RELN: variants seen among roughly 807,000 people sequenced by gnomAD.
The protein encoded by RELN is reelin.
RELN carries 108 observed loss-of-function variants against 427.6 expected under a neutral mutation model. The ratio of observed to expected loss-of-function variants is 0.25; its 90% CI spans 0.22 to 0.30. RELN has a LOEUF of 0.30. Ranked by LOEUF, RELN falls within the 10% of genes least tolerant of loss-of-function variation. The probability of loss-of-function intolerance (pLI) is 1.00; values close to 1 mark genes in which losing one functional copy is unlikely to be tolerated. For synonymous variants in RELN, 1,524 were observed against 1,513.4 expected (o/e 1.01, Z -0.16); for missense variants, 3,715 against 4,302.8 (o/e 0.86, Z 3.82).
At chr7:103,516,216 A>G (rs539789477) in intron 49 of RELN, among the ~76,000 whole-genome samples, 1 of 152,082 alleles carries the variant, frequency 6.6e-6, no homozygotes, top group Non-Finnish European at 1.5e-5. Context: ...TCTTGAATTT[A>G]TATTCATAAC....
chr7:103,890,986 G>A (rs1186206856), intron 2 of RELN, among the ~76,000 whole-genome samples: 1 of 152,128 alleles, frequency 6.6e-6, no homozygotes, highest in African/African-American at 2.4e-5. Flanking sequence ...GGAGGTTGAG[G>A]GAGGAGAATC....
intron 2 of RELN, among the ~76,000 whole-genome samples, chr7:103,906,320 C>T (rs927786302): frequency 1.3e-5 from 2 of 152,010 alleles, no homozygotes; most frequent in Non-Finnish European, 1.5e-5. Flanking sequence ...GCTCTTTTTG[C>T]CTTGGGTTCT....
In RELN at chr7:103,654,173, T is replaced by G. The variant is rs761679419; in HGVS notation, c.1474A>C (p.Asn492His). Reference sequence around the variant, plus strand: ...ATTTTTGCATACAGGATTATGTCATTTTCATGAGAATTTCCAGGGTCACAA... The same window carrying G: ...ATTTTTGCATACAGGATTATGTCATGTTCATGAGAATTTCCAGGGTCACAA... The part of the protein sequence containing the change: ...GICDPGNSHE[N>H]DIILYAKIEG... The change falls in exon 13 of 65, where the codon AAT (asparagine) becomes CAT (histidine). Residue 492 changes from asparagine (N) to histidine (H), a missense_variant. By Grantham distance (68) the Asn-to-His change is moderately conservative (BLOSUM62 1). This residue lies in a region of RELN where 2,208 missense variants were observed against 2,361.7 expected (regional missense o/e 0.93). Coordinates refer to ENST00000428762, the MANE Select transcript of RELN (RefSeq NM_005045.4). 6.2e-7 allele frequency: 1 copy of G among 1,611,600 alleles called. No individual in the cohort carries two copies. Among genetic ancestry groups the G allele is most frequent in the Non-Finnish European group, 8.5e-7 (1 of 1,178,228 alleles).
intron 6 of RELN, among the ~76,000 whole-genome samples, chr7:103,739,331 C>T (rs143298795): frequency 5.9e-5 from 9 of 152,306 alleles, no homozygotes; most frequent in African/African-American, 2.2e-4. Context: ...TATTTGTGGT[C>T]CCTTACATTC....
chr7:103,747,627 C>T (rs1584460458), intron 6 of RELN, among the ~76,000 whole-genome samples: 1 of 147,030 alleles, frequency 6.8e-6, no homozygotes, highest in South Asian at 2.1e-4. Flanking sequence ...ACAGTTTCAC[C>T]GTTCCCTACT....
At chr7:103,480,547 A>G (rs1044168040) in intron 63 of RELN, among the ~76,000 whole-genome samples, 1 of 152,226 alleles carries the variant, frequency 6.6e-6, no homozygotes, top group African/African-American at 2.4e-5. Flanking sequence ...CAAAACATCA[A>G]AAACATAGTT....
Position 103,697,931 on chromosome 7 carries a change from G to A in RELN, c.1065C>T (p.His355=). The part of the protein sequence containing the change: ...LDNILIINSA[H]RQVVLEDSLD... ...GACTATCTTCTAAAACGACTTGTCT[G>A]TGAGCTGAATTGATGATCAAGATGT... The change falls in exon 10 of 65, where the codon CAC becomes CAT. Residue 355 remains histidine, a synonymous_variant. Coordinates refer to ENST00000428762, the MANE Select transcript of RELN (RefSeq NM_005045.4). The A allele has an allele frequency of 6.2e-7, 1 of 1,613,794 alleles. No homozygotes were observed. Among genetic ancestry groups the A allele is most frequent in the Non-Finnish European group, 8.5e-7 (1 of 1,179,822 alleles).
At chr7:103,631,833 T>G (rs546688629) in intron 19 of RELN, among the ~76,000 whole-genome samples, 1 of 152,156 alleles carries the variant, frequency 6.6e-6, no homozygotes, top group East Asian at 1.9e-4. Flanking sequence ...TTTAAACTGG[T>G]TTAACAATGA....
At chr7:103,873,561 G>A in intron 2 of RELN, among the ~76,000 whole-genome samples, 1 of 45,698 alleles carries the variant, frequency 2.2e-5, no homozygotes, top group East Asian at 7.8e-4. Context: ...ACTACCATCA[G>A]AGAATACTAC....
chr7:103,486,972 C>T (rs1249332052), intron 60 of RELN, among the ~76,000 whole-genome samples: 1 of 152,180 alleles, frequency 6.6e-6, no homozygotes, highest in Non-Finnish European at 1.5e-5. Flanking sequence ...TTTATTGCAG[C>T]ACTATTCACA....
Position 103,682,189 on chromosome 7 carries a change from T to A in RELN, c.1216A>T (p.Thr406Ser). The A allele has an allele frequency of 6.2e-7, 1 of 1,614,038 alleles. No individual in the cohort carries two copies. Among genetic ancestry groups the A allele is most frequent in the Non-Finnish European group, 8.5e-7 (1 of 1,179,932 alleles). Residue 406 changes from threonine to serine, a missense_variant, in exon 11 of 65, where the codon ACC becomes TCC. Thr to Ser is a moderately conservative substitution (Grantham distance 58, BLOSUM62 1). This residue lies in a region of RELN where 2,208 missense variants were observed against 2,361.7 expected (regional missense o/e 0.93). Coordinates refer to ENST00000428762, the MANE Select transcript of RELN (RefSeq NM_005045.4). ...TCTGTGGAAAGATCTACATCCCTGG[T>A]GGTGGCAAAATTGAACTCGCTGCCT... is the stretch of plus-strand genomic sequence containing the variant. ...NEGSEFNFAT[T>S]RDVDLSTEDI...
chr7:103,744,598 A>T (rs1189935930), intron 6 of RELN, among the ~76,000 whole-genome samples: 1 of 152,252 alleles, frequency 6.6e-6, no homozygotes, highest in Non-Finnish European at 1.5e-5. Flanking sequence ...CACTGATCCC[A>T]CAGAAATACA....
intron 7 of RELN, among the ~76,000 whole-genome samples, chr7:103,726,072 C>T (rs1434663047): frequency 6.6e-6 from 1 of 152,098 alleles, no homozygotes; most frequent in African/African-American, 2.4e-5. Flanking sequence ...TTCATTAGTT[C>T]TCATGCACAA....
chr7:103,762,242 C>A (rs561563008), intron 4 of RELN, among the ~76,000 whole-genome samples: 1 of 152,118 alleles, frequency 6.6e-6, no homozygotes, highest in Non-Finnish European at 1.5e-5. Context: ...GCCAGCTTGG[C>A]GCCTAGATTT....
chr7:103,638,936 G>A (rs527816727), intron 17 of RELN, among the ~76,000 whole-genome samples: 1 of 152,186 alleles, frequency 6.6e-6, no homozygotes, highest in Non-Finnish European at 1.5e-5. Flanking sequence ...ATTATGGATA[G>A]GTCTTTTTAG....
chr7:103,661,929 A>G (rs578260220), intron 11 of RELN, among the ~76,000 whole-genome samples: 2 of 152,340 alleles, frequency 1.3e-5, no homozygotes, highest in African/African-American at 2.4e-5. Flanking sequence ...ATGATGTTTT[A>G]CCTATTGAAA....
At chr7:103,645,488 C>G (rs950890072) in intron 16 of RELN, among the ~76,000 whole-genome samples, 1 of 151,650 alleles carries the variant, frequency 6.6e-6, no homozygotes, top group Non-Finnish European at 1.5e-5. Flanking sequence ...CTATACTTAT[C>G]TAAGATAAAA....
intron 3 of RELN, among the ~76,000 whole-genome samples, chr7:103,816,390 G>A (rs1792869992): frequency 6.6e-6 from 1 of 152,030 alleles, no homozygotes; most frequent in Middle Eastern, 3.2e-3. Flanking sequence ...AAAAAAAGAT[G>A]TTGCATTACA....
At position 103,490,708 on chromosome 7, in the gene RELN, T is replaced by C; in HGVS notation, c.9565A>G (p.Lys3189Glu). The change falls in exon 59 of 65, where the codon AAA becomes GAA. Residue 3189 changes from lysine to glutamate, a missense_variant. Transcript: ENST00000428762. ...IYNSVNSSSW[K>E]RITIQLPDHV... Reference sequence around the variant, plus strand: ...TCAGGCAGCTGGATGGTGATTCTTTTCCAGCTTGAGCTGTTGACAGAGTTG... The same window carrying C: ...TCAGGCAGCTGGATGGTGATTCTTTCCCAGCTTGAGCTGTTGACAGAGTTG... 1 of 1,614,208 alleles carries C rather than the reference T, an allele frequency of 6.2e-7. No individual in the cohort carries two copies. The highest frequency in any genetic ancestry group is 8.5e-7 in the Non-Finnish European group (1 of 1,180,038).
Sources: allele counts gnomAD v4.1 joint callset (sites outside exome capture counted in the v4.1 genomes callset), GRCh38; gene constraint gnomAD v4.1.1; regional missense constraint gnomAD v4.1.1; transcripts MANE v1.5; gene names NCBI Gene and HGNC (gene_info 2026-07-23, HGNC 2026-07-21).